CCDC6: variants seen among roughly 807,000 people sequenced by gnomAD.
CCDC6 encodes the protein coiled-coil domain containing 6.
CCDC6 carries 20 observed loss-of-function variants against 56.6 expected under a neutral mutation model. The ratio of observed to expected loss-of-function variants is 0.35; its 90% CI spans 0.25 to 0.51. The LOEUF is 0.51. CCDC6 is among the 20% of genes least tolerant of loss of function. The pLI is 0.95. For missense variants in CCDC6, 367 were observed against 601.1 expected, an observed-to-expected ratio of 0.61 and a Z score of 4.07; for synonymous variants, 241 against 234.4, an observed-to-expected ratio of 1.03 and a Z score of -0.26.
intron 2 of CCDC6, among the ~76,000 whole-genome samples, chr10:59,851,453 T>C (rs1724179455): frequency 6.6e-6 from 1 of 152,168 alleles, no homozygotes; most frequent in South Asian, 2.1e-4. Context: ...AATCAAATTT[T>C]GTGCAAGATT....
intron 1 of CCDC6, among the ~76,000 whole-genome samples, chr10:59,865,475 CAAAAT>C (rs2071169057): frequency 6.6e-6 from 1 of 152,108 alleles, no homozygotes; most frequent in Admixed American, 6.6e-5. Context: ...AACAACAAAA[CAAAAT>C]AAAAATCCAA....
chr10:59,847,514 G>A (rs1365729094), intron 2 of CCDC6, among the ~76,000 whole-genome samples: 1 of 152,124 alleles, frequency 6.6e-6, no homozygotes, highest in Non-Finnish European at 1.5e-5. Flanking sequence ...TTGCAAATGA[G>A]CCTGACTCTG....
intron 3 of CCDC6, among the ~76,000 whole-genome samples, chr10:59,824,117 A>G (rs1739226239): frequency 1.3e-5 from 2 of 152,232 alleles, no homozygotes; most frequent in African/African-American, 2.4e-5. Flanking sequence ...AAGTCTTACA[A>G]GACTTACAAG....
chr10:59,867,254 TG>T (rs2071185557), intron 1 of CCDC6, among the ~76,000 whole-genome samples: 1 of 152,124 alleles, frequency 6.6e-6, no homozygotes, highest in South Asian at 2.1e-4. Context: ...AACCACCTGA[TG>T]GACCCCTTCT....
rs1477146129 is a variant in CCDC6 at position 59,792,041 on chromosome 10, T to C, written c.*876A>G. 4.4e-6 allele frequency: 1 copy of C among 225,884 alleles called. No individual in the cohort carries two copies. Among genetic ancestry groups the C allele is most frequent in the African/African-American group, 2.2e-5 (1 of 45,042 alleles). 14.0% of individuals were successfully genotyped at this position (225,884 alleles called of 1,614,324 possible). On this transcript the variant is annotated 3_prime_UTR_variant, in exon 9 of 9. Coordinates refer to ENST00000263102, the MANE Select transcript of CCDC6 (RefSeq NM_005436.5). ...AAACTCTATTTTAAGAGAACACAAA[T>C]GAAGTACGAAAGGGGGAAGCCGCAT... is the stretch of plus-strand genomic sequence containing the variant.
chr10:59,800,781 C>A (rs980151039), intron 7 of CCDC6, among the ~76,000 whole-genome samples: 1 of 151,918 alleles, frequency 6.6e-6, no homozygotes, highest in African/African-American at 2.4e-5. Context: ...CCCACCAGAA[C>A]CTAAGTTGAA....
intron 1 of CCDC6, among the ~76,000 whole-genome samples, chr10:59,855,580 CA>C (rs367674466): frequency 4.6e-4 from 70 of 152,090 alleles, no homozygotes; most frequent in African/African-American, 1.6e-3. Flanking sequence ...AAACAAACCC[CA>C]AAAAGAAAGT....
At chr10:59,871,468 TAAAAAAAAAAAAAA>T (rs138741485) in intron 1 of CCDC6, among the ~76,000 whole-genome samples, 1 of 98,492 alleles carries the variant, frequency 1.0e-5, no homozygotes, top group African/African-American at 4.1e-5. Flanking sequence ...TAATACTCAT[TAAAAAAAAAAAAAA>T]AAAAAAAAAA....
rs2071130981 is a variant in CCDC6 at position 59,861,795 on chromosome 10, G to C, written c.304-9093C>G. On this transcript the variant is annotated intron_variant, in intron 1 of 8. Coordinates refer to ENST00000263102, the MANE Select transcript of CCDC6 (RefSeq NM_005436.5). ...TTTAACAAATAAATTGAAACAAAGA[G>C]TGATGGAGGTGAAGAACAAACAGAT... Among the ~76,000 whole-genome samples, 14 of 152,324 alleles carry C rather than the reference G, an allele frequency of 9.2e-5. No homozygotes were observed. The South Asian group carries it at 2.7e-3, about 29-fold the overall frequency.
chr10:59,902,419 A>T (rs2071510623), intron 1 of CCDC6, among the ~76,000 whole-genome samples: 1 of 124,868 alleles, frequency 8.0e-6, no homozygotes. Context: ...TTTGAGATGA[A>T]GTCTGGCTCT....
intron 3 of CCDC6, among the ~76,000 whole-genome samples, chr10:59,817,260 A>C (rs1209015948): frequency 2.6e-5 from 4 of 152,150 alleles, no homozygotes; most frequent in Non-Finnish European, 5.9e-5. Context: ...GGATCACTGT[A>C]GCCTTAACCC....
chr10:59,814,939 T>A (rs2070699941), intron 3 of CCDC6, among the ~76,000 whole-genome samples, 184 bp from the exon 4 acceptor site: 1 of 152,194 alleles, frequency 6.6e-6, no homozygotes, highest in African/African-American at 2.4e-5. Flanking sequence ...ATAGGTTCAT[T>A]CTTGGATGTT....
At chr10:59,825,528 A>C (rs572715668) in intron 3 of CCDC6, among the ~76,000 whole-genome samples, 3 of 152,232 alleles carry the variant, frequency 2.0e-5, no homozygotes, top group African/African-American at 2.4e-5. Flanking sequence ...TACAGGAGTT[A>C]GTAAAACCAC....
chr10:59,870,996 G>A (rs932106517), intron 1 of CCDC6, among the ~76,000 whole-genome samples: 4 of 152,062 alleles, frequency 2.6e-5, no homozygotes, highest in Non-Finnish European at 4.4e-5. Context: ...AGTATGAGAG[G>A]AGAGTCAGTC....
At position 59,906,300 on chromosome 10, in the gene CCDC6, C is replaced by T; in HGVS notation, c.125G>A (p.Gly42Asp). 1.2e-6 allele frequency: 2 copies of T among 1,602,478 alleles called. No individual in the cohort carries two copies. The highest frequency in any genetic ancestry group is 1.7e-6 in the Non-Finnish European group (2 of 1,178,806). ...GGGGGGGGGG[G>D]GGKSGGIVIS... is the part of the protein sequence containing the mutation. ...GACAATGCCCCCCGACTTCCCACCG[C>T]CGCCGCCTCCCCCGCCGCCACCGCC... is the stretch of plus-strand genomic sequence containing the variant. Residue 42 changes from glycine to aspartate, a missense_variant, in exon 1 of 9, where the codon GGC becomes GAC. Physicochemically the swap from Gly to Asp is moderately conservative, Grantham distance 94 (BLOSUM62 -1). Around this residue, in one of 7 missense-constraint regions of CCDC6, gnomAD observed 79 missense variants for 74.9 expected, o/e 1.05. Coordinates refer to ENST00000263102, the MANE Select transcript of CCDC6 (RefSeq NM_005436.5).
Position 59,792,516 on chromosome 10 carries a change from A to G in CCDC6, c.*401T>C, listed in dbSNP as rs2070476521. 6.1e-6 allele frequency: 3 copies of G among 491,488 alleles called. No homozygotes were observed. Among genetic ancestry groups the G allele is most frequent in the Admixed American group, 5.5e-5 (2 of 36,096 alleles). The allele number at this position is 491,488 out of a possible 1,614,324, so 30.4% of individuals were successfully genotyped here. On this transcript the variant is annotated 3_prime_UTR_variant, in exon 9 of 9. Transcript: ENST00000263102. ...ATTATAATGAGAGGAGGGTAACAAC[A>G]GCTCAGTAATTTTCTGCAGATTCAT...
intron 3 of CCDC6, among the ~76,000 whole-genome samples, chr10:59,819,219 T>C (rs1294052947): frequency 6.6e-6 from 1 of 152,238 alleles, no homozygotes; most frequent in Non-Finnish European, 1.5e-5. Flanking sequence ...GTTGTTTCAC[T>C]TAAAGTCAGT....
rs188627219 is a variant in CCDC6 at position 59,795,521 on chromosome 10, G to A, written c.1106-924C>T. 1.1e-3 allele frequency among the ~76,000 whole-genome samples: 164 copies of A among 151,394 alleles called. 1 individual carries two copies. The highest frequency in any genetic ancestry group is 3.6e-3 in the African/African-American group (148 of 41,190). ...AAGTTTTAGGGTACATGTGCACAAT[G>A]TGCAGGTTAGTTACATATGTATACA... On this transcript the variant is annotated intron_variant, in intron 7 of 8. Coordinates refer to ENST00000263102, the MANE Select transcript of CCDC6 (RefSeq NM_005436.5).
intron 1 of CCDC6, among the ~76,000 whole-genome samples, chr10:59,879,602 A>C (rs946732495): frequency 4.6e-5 from 7 of 152,154 alleles, no homozygotes; most frequent in Non-Finnish European, 1.0e-4. Context: ...ATCTCGGCAA[A>C]ATTGAGTAAC....
Sources: allele counts gnomAD v4.1 joint callset (sites outside exome capture counted in the v4.1 genomes callset), GRCh38; gene constraint gnomAD v4.1.1; regional missense constraint gnomAD v4.1.1; transcripts MANE v1.5; gene names NCBI Gene and HGNC (gene_info 2026-07-23, HGNC 2026-07-21).